The following RUBCN variants were observed in gnomAD, a reference collection of about 807,000 sequenced individuals.
The protein encoded by RUBCN is run domain Beclin-1-interacting and cysteine-rich domain-containing protein.
RUBCN carries 74 observed loss-of-function variants against 113.2 expected under a neutral mutation model. The ratio of observed to expected loss-of-function variants is 0.65; its 90% CI spans 0.54 to 0.79. RUBCN has a LOEUF of 0.79. Ranked by LOEUF, RUBCN falls within the 30% of genes least tolerant of loss-of-function variation. RUBCN has a pLI of 0.00. For synonymous variants in RUBCN, 480 were observed against 490.0 expected (o/e 0.98, Z 0.27); for missense variants, 1,109 against 1,251.7 (o/e 0.89, Z 1.72).
intron 11 of RUBCN, among the ~76,000 whole-genome samples, chr3:197,687,197 C>A (rs1265720792): frequency 6.6e-6 from 1 of 152,202 alleles, no homozygotes; most frequent in Non-Finnish European, 1.5e-5. Context: ...AACTTCAACA[C>A]ATTTTCTGTA....
At position 197,697,039 on chromosome 3, in the gene RUBCN, A is replaced by G. The variant is rs760843846; in HGVS notation, c.1272T>C (p.Asn424=). ...IASRGAPESC[N]DKAKLRGPLP... The stretch of plus-strand genomic sequence containing the variant: ...AAGGGCCTCTCAACTTCGCCTTATC[A>G]TTGCAGGATTCTAATGACGATGACC... Residue 424 remains asparagine, a synonymous_variant, in exon 8 of 20, where the codon AAT becomes AAC. Coordinates refer to ENST00000296343, the MANE Select transcript of RUBCN (RefSeq NM_014687.4). 20 of 1,580,230 alleles carry G rather than the reference A, an allele frequency of 1.3e-5. No individual in the cohort carries two copies. The highest frequency in any genetic ancestry group is 1.7e-5 in the Non-Finnish European group (20 of 1,149,152).
At chr3:197,745,841 A>G (rs1052521277) in intron 1 of RUBCN, among the ~76,000 whole-genome samples, 1 of 152,220 alleles carries the variant, frequency 6.6e-6, no homozygotes, top group Non-Finnish European at 1.5e-5. Context: ...GTTCGAGACC[A>G]GCCTGGCCAA....
At position 197,683,493 on chromosome 3, in the gene RUBCN, G is replaced by C. The variant is rs568042707; in HGVS notation, c.1848-54C>G. 2 of 1,605,218 alleles carry C rather than the reference G, an allele frequency of 1.2e-6. No individual in the cohort carries two copies. Among genetic ancestry groups the C allele is most frequent in the Non-Finnish European group, 1.7e-6 (2 of 1,174,702 alleles). ...AACACAGGGAAAGGATGGGCGATGC[G>C]AGGCTTCCCTTCATGATCTCATCCC... On this transcript the variant is annotated intron_variant, in intron 12 of 19. Coordinates refer to ENST00000296343, the MANE Select transcript of RUBCN (RefSeq NM_014687.4). The surrounding 1 kb of genome is among the most constrained non-coding windows in gnomAD (Gnocchi z 4.6).
chr3:197,688,495 T>C (rs528831131), intron 11 of RUBCN, among the ~76,000 whole-genome samples: 1 of 152,352 alleles, frequency 6.6e-6, no homozygotes, highest in East Asian at 1.9e-4. Flanking sequence ...TAATTCTTTA[T>C]ATTAAACTTT....
chr3:197,690,391 T>A (rs531086549), intron 11 of RUBCN, among the ~76,000 whole-genome samples: 6 of 152,196 alleles, frequency 3.9e-5, no homozygotes, highest in Admixed American at 1.3e-4. Flanking sequence ...TGAGCCGAGA[T>A]TGCGCCATTG....
intron 1 of RUBCN, among the ~76,000 whole-genome samples, chr3:197,731,549 CCTCACT>C (rs1727469154): frequency 6.6e-6 from 1 of 152,188 alleles, no homozygotes; most frequent in South Asian, 2.1e-4. Context: ...CAGAGGGGCT[CCTCACT>C]TCCCAGTAGG....
chr3:197,704,481 G>T, intron 4 of RUBCN, 61 bp downstream of exon 4: 1 of 1,487,502 alleles, frequency 6.7e-7, no homozygotes, highest in Non-Finnish European at 9.4e-7. Context: ...AGGGGTAGAG[G>T]ATAGTGAGGT....
chr3:197,718,972 G>A (rs1232476148), intron 1 of RUBCN, among the ~76,000 whole-genome samples: 4 of 152,170 alleles, frequency 2.6e-5, no homozygotes, highest in Non-Finnish European at 4.4e-5. Context: ...AGAGGCCAAT[G>A]GACTGCCAAC....
intron 1 of RUBCN, chr3:197,749,204 CT>C: frequency 5.0e-5 from 44 of 878,298 alleles, no homozygotes; most frequent in Non-Finnish European, 6.1e-5. Context: ...TAAACGAACC[CT>C]TCTATCCATT....
intron 2 of RUBCN, among the ~76,000 whole-genome samples, chr3:197,707,200 T>G: frequency 6.6e-6 from 1 of 151,738 alleles, no homozygotes; most frequent in East Asian, 1.9e-4. Context: ...GGCGTGGTGG[T>G]GGGCGCCTGT....
At position 197,682,369 on chromosome 3, in the gene RUBCN, G is replaced by A. The variant is rs1393110070; in HGVS notation, c.2126+101C>T. 2.9e-6 allele frequency: 4 copies of A among 1,391,162 alleles called. No individual in the cohort carries two copies. In the Admixed American group the frequency reaches 5.6e-5, roughly 19 times the overall value. The allele number at this position is 1,391,162 out of a possible 1,614,324, so 86.2% of individuals were successfully genotyped here. On this transcript the variant is annotated intron_variant, in intron 14 of 19. Coordinates refer to ENST00000296343, the MANE Select transcript of RUBCN (RefSeq NM_014687.4). ...CCTTTAAATGAAGAGAACGGTGTGG[G>A]AAGGACAGCTGGAGGCAGGGACAAG...
chr3:197,732,814 G>A (rs766186715), intron 1 of RUBCN, among the ~76,000 whole-genome samples: 8 of 152,126 alleles, frequency 5.3e-5, no homozygotes, highest in Non-Finnish European at 8.8e-5. Context: ...TGTTCAACTC[G>A]GATGAAGGAG....
intron 1 of RUBCN, among the ~76,000 whole-genome samples, chr3:197,730,137 C>T (rs1210438191): frequency 1.3e-5 from 2 of 152,176 alleles, no homozygotes; most frequent in Admixed American, 6.5e-5. Context: ...AGTGAATAAA[C>T]TTTATATCTG....
chr3:197,739,498 C>A (rs528196686), upstream of RUBCN, among the ~76,000 whole-genome samples: 2 of 151,206 alleles, frequency 1.3e-5, no homozygotes, highest in Admixed American at 6.6e-5. Flanking sequence ...TGGAGACTAT[C>A]CTGGCTGACA....
rs183738683 is a variant in RUBCN, at chr3:197,676,908, C to A, written c.2623G>T (p.Ala875Ser). The change falls in exon 18 of 20, where the codon GCT (alanine) becomes TCT (serine). Residue 875 changes from alanine (A) to serine (S), a missense_variant. Physicochemically the swap from Ala to Ser is moderately conservative, Grantham distance 99. Transcript: ENST00000296343. ...PRLAELTRAG[A>S]THVERCMLCQ... The stretch of plus-strand genomic sequence containing the variant: ...ACCATGCATCTCTCCACATGGGTAG[C>A]CCCTGCCCTGGTGAGCTCAGCAAGC... 8 of 1,614,076 alleles carry A rather than the reference C, an allele frequency of 5.0e-6. No individual in the cohort carries two copies. In the African/African-American group the frequency reaches 9.3e-5, roughly 19 times the overall value.
upstream of RUBCN, chr3:197,736,929 C>G: frequency 7.4e-7 from 1 of 1,346,794 alleles, no homozygotes; most frequent in Non-Finnish European, 9.5e-7. Flanking sequence ...CCGGGGACTA[C>G]AGCCCCCGGC....
At chr3:197,723,242 T>A (rs1726361920) in intron 1 of RUBCN, among the ~76,000 whole-genome samples, 1 of 152,214 alleles carries the variant, frequency 6.6e-6, no homozygotes. Context: ...TGCAGTAGCA[T>A]GATCTCAGCT....
Position 197,694,491 on chromosome 3 carries a change from A to C in RUBCN, c.1568T>G (p.Val523Gly). ...MMSQCLEEEE[V>G]EEEDSDREIQ... ...CTCTCTATCACTGTCTTCCTCTTCCACTTCCTCCTCCTCTAGGCACTGGCT... is the reference window on the plus strand; with the variant it reads ...CTCTCTATCACTGTCTTCCTCTTCCCCTTCCTCCTCCTCTAGGCACTGGCT... Residue 523 changes from valine to glycine, a missense_variant, in exon 10 of 20, where the codon GTG (valine) becomes GGG (glycine). Transcript: ENST00000296343. 2 of 1,614,072 alleles carry C rather than the reference A, an allele frequency of 1.2e-6. No individual in the cohort carries two copies. The highest frequency in any genetic ancestry group is 1.7e-6 in the Non-Finnish European group (2 of 1,179,986).
chr3:197,746,366 T>C (rs536085977), intron 1 of RUBCN, among the ~76,000 whole-genome samples: 3 of 152,304 alleles, frequency 2.0e-5, no homozygotes, highest in South Asian at 2.1e-4. Context: ...GGAGGTGTAA[T>C]GTTCTCAGGG....
Sources: gnomAD v4.1 joint callset for allele counts (sites outside exome capture counted in the v4.1 genomes callset) on GRCh38, gnomAD v4.1.1 for gene constraint, Gnocchi (gnomAD v3.1) non-coding constraint, MANE v1.5 for transcripts, NCBI Gene and HGNC (gene_info 2026-07-23, HGNC 2026-07-21) for gene names.